PCNT: variants seen among roughly 807,000 people sequenced by gnomAD.
The protein encoded by PCNT is pericentrin, also known as kendrin.
A neutral mutation model predicts 380.4 loss-of-function variants in PCNT; 319 were observed. That is an observed-to-expected ratio of 0.84 (90% CI 0.77 to 0.92). The LOEUF is 0.92. PCNT is among the 40% of genes least tolerant of loss of function. The probability of loss-of-function intolerance (pLI) is 0.00; values close to 1 mark genes in which losing one functional copy is unlikely to be tolerated. For missense variants in PCNT, 4,400 were observed against 4,255.3 expected (o/e 1.03, Z -0.95); for synonymous variants, 1,845 against 1,735.2 (o/e 1.06, Z -1.57).
At chr21:46,362,722 T>A (rs2084763214) in intron 13 of PCNT, among the ~76,000 whole-genome samples, 1 of 152,056 alleles carries the variant, frequency 6.6e-6, no homozygotes, top group African/African-American at 2.4e-5. Context: ...GGCTGGCGGA[T>A]TGCTTGAGCT....
chr21:46,348,867 C>A, intron 6 of PCNT, 145 bp from the exon 7 acceptor site: 1 of 629,336 alleles, frequency 1.6e-6, no homozygotes, highest in Non-Finnish European at 2.8e-6. Flanking sequence ...CTCAGGCGAT[C>A]TGCCTGCCTC....
At chr21:46,377,035 G>A (rs758114132) in intron 15 of PCNT, among the ~76,000 whole-genome samples, 2 of 152,128 alleles carry the variant, frequency 1.3e-5, no homozygotes, top group Non-Finnish European at 1.5e-5. Flanking sequence ...GTTCCAGGCC[G>A]GCGCGGGGGG....
Position 46,440,089 on chromosome 21 carries a change from G to A in PCNT, c.9280G>A (p.Glu3094Lys), listed in dbSNP as rs1404639711. 9 of 1,613,984 alleles carry A rather than the reference G, an allele frequency of 5.6e-6. No individual in the cohort carries two copies. Among genetic ancestry groups the A allele is most frequent in the Non-Finnish European group, 7.6e-6 (9 of 1,180,034 alleles). The change falls in exon 42 of 47, where the codon GAA (glutamate) becomes AAA (lysine). Residue 3094 changes from glutamate (E) to lysine (K), a missense_variant. Physicochemically the swap from Glu to Lys is moderately conservative, Grantham distance 56. Coordinates refer to ENST00000359568, the MANE Select transcript of PCNT (RefSeq NM_006031.6). ...LQKGCSPSRSERSAWKPDETA... is the reference protein window; with the variant it reads ...LQKGCSPSRSKRSAWKPDETA... Reference sequence around the variant, plus strand: ...TGGCTGTGCTTCCTTACAGAGGTCGGAAAGGTCTGCTTGGAAGCCAGACGA... The same window carrying A: ...TGGCTGTGCTTCCTTACAGAGGTCGAAAAGGTCTGCTTGGAAGCCAGACGA...
At chr21:46,386,076 T>C (rs1601921084) in intron 17 of PCNT, 93 bp downstream of exon 17, 1 of 1,501,958 alleles carries the variant, frequency 6.7e-7, no homozygotes, top group African/African-American at 1.4e-5. Context: ...CCTGGCCCCG[T>C]GGCTGCTGCC....
At chr21:46,325,115 G>A in intron 1 of PCNT, 3 of 985,508 alleles carry the variant, frequency 3.0e-6, no homozygotes, top group Non-Finnish European at 3.6e-6. Context: ...TAGGTTTCGT[G>A]GGAATAAAGC....
chr21:46,431,593 AC>A lies in PCNT; in HGVS notation c.8130del (p.His2710GlnfsTer58). Reference protein sequence around the residue: ...QSSRLCVALKHEQTAKDNLQK... With the variant: ...QSSRLCVALKXEQTAKDNLQK... ...AGTCGACTCTGCGTGGCACTGAAAC[AC>A]GAGCAGACGGCCAAGGACAACCTGC... On this transcript the variant is annotated frameshift_variant, in exon 38 of 47. Coordinates refer to ENST00000359568, the MANE Select transcript of PCNT (RefSeq NM_006031.6). LOFTEE classifies it high-confidence loss of function. 6.2e-7 allele frequency: 1 copy of A among 1,613,978 alleles called. No homozygotes were observed.
In PCNT at chr21:46,436,967, T is replaced by G; in HGVS notation, c.8997-12T>G. The G allele has an allele frequency of 1.9e-6, 3 of 1,604,568 alleles. No homozygotes were observed. Among genetic ancestry groups the G allele is most frequent in the Non-Finnish European group, 2.6e-6 (3 of 1,171,316 alleles). The stretch of plus-strand genomic sequence containing the variant: ...CGCGTATGCAACTTTGAGTGCCCAT[T>G]TATTTTTACAGGACAGTTAATGATT... On this transcript the variant is annotated splice_polypyrimidine_tract_variant and intron_variant, in intron 39 of 46. Transcript: ENST00000359568.
At chr21:46,414,765 C>G (rs1214760237) in intron 29 of PCNT, among the ~76,000 whole-genome samples, 3 of 92,418 alleles carry the variant, frequency 3.2e-5, no homozygotes, top group Admixed American at 2.8e-4. Context: ...AGCCGCCCAC[C>G]CTCCTCCTGG....
Position 46,445,388 on chromosome 21 carries a change from T to A in PCNT, c.*61T>A. 1 of 1,362,478 alleles carries A rather than the reference T, an allele frequency of 7.3e-7. No individual in the cohort carries two copies. The highest frequency in any genetic ancestry group is 1.4e-5 in the African/African-American group (1 of 70,142). The allele number at this position is 1,362,478 out of a possible 1,614,324, so 84.4% of individuals were successfully genotyped here. ...TTTGAGGAAAAGATTTGTTTTTCCC[T>A]TTTCCCAAGGAAGCTCGTGGGACAG... On this transcript the variant is annotated 3_prime_UTR_variant, in exon 47 of 47. Coordinates refer to ENST00000359568, the MANE Select transcript of PCNT (RefSeq NM_006031.6).
intron 8 of PCNT, 80 bp from the exon 9 acceptor site, chr21:46,351,349 G>A: frequency 2.5e-6 from 2 of 815,796 alleles, no homozygotes; most frequent in Non-Finnish European, 4.4e-6. Context: ...GCAGTGGCAG[G>A]GATAAAACCG....
rs1189841485 is a variant in PCNT at position 46,412,098 on chromosome 21, A to T, written c.5994+31A>T. 6.3e-6 allele frequency: 10 copies of T among 1,579,388 alleles called. No individual in the cohort carries two copies. The East Asian group carries it at 2.3e-4, about 36-fold the overall frequency. On this transcript the variant is annotated intron_variant, in intron 28 of 46. Coordinates refer to ENST00000359568, the MANE Select transcript of PCNT (RefSeq NM_006031.6). Reference sequence around the variant, plus strand: ...CTCCCCCCGCGGGCCATGGCAGGGTATTTTTTTTTACTCTCCTTTTCTCCT... The same window carrying T: ...CTCCCCCCGCGGGCCATGGCAGGGTTTTTTTTTTTACTCTCCTTTTCTCCT...
At chr21:46,369,905 C>T (rs950411369) in intron 15 of PCNT, among the ~76,000 whole-genome samples, 4 of 152,210 alleles carry the variant, frequency 2.6e-5, no homozygotes, top group Non-Finnish European at 5.9e-5. Context: ...GAGATGTACG[C>T]TGCCAAGATG....
At chr21:46,370,212 G>A (rs895207387) in intron 15 of PCNT, among the ~76,000 whole-genome samples, 1 of 151,452 alleles carries the variant, frequency 6.6e-6, no homozygotes, top group Non-Finnish European at 1.5e-5. Flanking sequence ...GGCAGCTGCA[G>A]GGGTGGGCAT....
chr21:46,427,931 A>T (rs2087578304), intron 34 of PCNT, 136 bp downstream of exon 34: 1 of 962,088 alleles, frequency 1.0e-6, no homozygotes, highest in Non-Finnish European at 1.6e-6. Flanking sequence ...GCTGTCACTT[A>T]CCCAGGTGTT....
chr21:46,380,604 G>A (rs2085498150), intron 15 of PCNT, among the ~76,000 whole-genome samples: 1 of 152,062 alleles, frequency 6.6e-6, no homozygotes, highest in Admixed American at 6.6e-5. Context: ...AGCAGCTACT[G>A]GTTTTCAGGG....
At position 46,382,303 on chromosome 21, in the gene PCNT, T is replaced by G. The variant is rs144405875; in HGVS notation, c.3312+463T>G. Among the ~76,000 whole-genome samples the G allele has an allele frequency of 4.1e-5, 6 of 147,054 alleles. 1 individual carries two copies. The East Asian group carries it at 1.3e-3, about 31-fold the overall frequency. On this transcript the variant is annotated intron_variant, in intron 16 of 46. Coordinates refer to ENST00000359568, the MANE Select transcript of PCNT (RefSeq NM_006031.6). Reference sequence around the variant, plus strand: ...GAAGCGCATTCATGGTGTTGTGCATTCAGTGGTGGAAGCGCATTCACAGTG... The same window carrying G: ...GAAGCGCATTCATGGTGTTGTGCATGCAGTGGTGGAAGCGCATTCACAGTG...
At chr21:46,443,737 G>T in intron 44 of PCNT, 73 bp from the exon 45 acceptor site, 1 of 1,436,236 alleles carries the variant, frequency 7.0e-7, no homozygotes, top group East Asian at 2.3e-5. Flanking sequence ...TTAAACTGTT[G>T]ATAGATGGGC....
intron 38 of PCNT, among the ~76,000 whole-genome samples, chr21:46,433,006 CTTAT>C (rs1021385307): frequency 2.3e-4 from 35 of 151,976 alleles, no homozygotes; most frequent in African/African-American, 8.0e-4. Context: ...AATTTATTTA[CTTAT>C]TTATTTTTTG....
chr21:46,356,546 GGACAGGAACCCTGGCAGGCCCCT>G (rs1487046386), intron 12 of PCNT, among the ~76,000 whole-genome samples: 39 of 152,362 alleles, frequency 2.6e-4, no homozygotes, highest in African/African-American at 9.1e-4. Flanking sequence ...GGAGGTGCTG[GGACAGGAACCCTGGCAGGCCCCT>G]GAGCTCAGGC....
Sources: allele counts gnomAD v4.1 joint callset (sites outside exome capture counted in the v4.1 genomes callset), GRCh38; gene constraint gnomAD v4.1.1; transcripts MANE v1.5; gene names NCBI Gene and HGNC (gene_info 2026-07-23, HGNC 2026-07-21).